RBFOX1: variants seen among roughly 807,000 people sequenced by gnomAD.
RBFOX1 encodes RNA binding fox-1 homolog 1.
A neutral mutation model predicts 57.7 loss-of-function variants in RBFOX1; 8 were observed. The ratio of observed to expected loss-of-function variants is 0.14; its 90% CI spans 0.08 to 0.25. The LOEUF (loss-of-function observed/expected upper bound fraction) is 0.25. Ranked by LOEUF, RBFOX1 falls within the 10% of genes least tolerant of loss-of-function variation. RBFOX1 has a pLI of 1.00. For synonymous variants in RBFOX1, 326 were observed against 222.4 expected (o/e 1.47, Z -4.15); for missense variants, 611 against 548.5 (o/e 1.11, Z -1.14).
intron 1 of RBFOX1, among the ~76,000 whole-genome samples, chr16:5,423,864 G>C (rs1299223244): frequency 2.0e-5 from 3 of 152,138 alleles, no homozygotes; most frequent in Non-Finnish European, 4.4e-5. Flanking sequence ...GCTCATTGAG[G>C]CCAGGCATTG....
chr16:7,415,375 A>G (rs978721433), intron 4 of RBFOX1, among the ~76,000 whole-genome samples: 3 of 152,224 alleles, frequency 2.0e-5, no homozygotes, highest in African/African-American at 7.2e-5. Flanking sequence ...TCTAGAGGGT[A>G]GCTCTGAGCC....
intron 4 of RBFOX1, among the ~76,000 whole-genome samples, chr16:7,142,069 G>T (rs1200896504): frequency 2.0e-5 from 3 of 151,814 alleles, no homozygotes; most frequent in Non-Finnish European, 4.4e-5. Context: ...TGTTGCCCAG[G>T]CTGGAGTGCA....
chr16:5,782,593 G>A (rs568644299), intron 3 of RBFOX1, among the ~76,000 whole-genome samples: 2 of 152,290 alleles, frequency 1.3e-5, no homozygotes, highest in South Asian at 4.1e-4. Context: ...TATATTGATT[G>A]CTTACTATGT....
intron 3 of RBFOX1, among the ~76,000 whole-genome samples, chr16:7,040,242 A>G (rs1227713678): frequency 6.6e-6 from 1 of 151,602 alleles, no homozygotes; most frequent in East Asian, 1.9e-4. Flanking sequence ...GATGGTCTCG[A>G]TCTCTTGACC....
chr16:7,176,516 T>C (rs1432364467), intron 4 of RBFOX1, among the ~76,000 whole-genome samples: 1 of 152,132 alleles, frequency 6.6e-6, no homozygotes, highest in East Asian at 1.9e-4. Context: ...TCTCCTCTTG[T>C]TTTTGTAAAT....
intron 4 of RBFOX1, among the ~76,000 whole-genome samples, chr16:7,180,015 A>G (rs1337839630): frequency 6.6e-6 from 1 of 152,020 alleles, no homozygotes; most frequent in Non-Finnish European, 1.5e-5. Context: ...AGTGCTGGAA[A>G]TATAGGCTTG....
At chr16:6,569,069 G>A (rs73537302) in intron 2 of RBFOX1, among the ~76,000 whole-genome samples, 2,332 of 152,272 alleles carry the variant, frequency 0.015, 58 homozygotes, top group African/African-American at 0.054. Flanking sequence ...TGGATAATAT[G>A]CTACTTAAGA....
intron 1 of RBFOX1, among the ~76,000 whole-genome samples, chr16:5,448,170 C>T (rs975330967): frequency 3.3e-5 from 5 of 152,170 alleles, no homozygotes; most frequent in African/African-American, 1.2e-4. Flanking sequence ...TTTGGAAATT[C>T]TGAGAGCTAA....
chr16:6,468,854 G>T (rs1021705021), intron 2 of RBFOX1, among the ~76,000 whole-genome samples: 1 of 151,486 alleles, frequency 6.6e-6, no homozygotes, highest in Non-Finnish European at 1.5e-5. Flanking sequence ...CTTGTGTCAT[G>T]GGGGTTCATT....
At chr16:6,657,425 C>A (rs62017888) in intron 3 of RBFOX1, among the ~76,000 whole-genome samples, 59,670 of 151,836 alleles carry the variant, frequency 0.39, 12,934 homozygotes, top group South Asian at 0.5. Flanking sequence ...GTGCCCCTCA[C>A]CCCAGCAGAA....
intron 4 of RBFOX1, among the ~76,000 whole-genome samples, chr16:7,435,860 G>A (rs546433377): frequency 6.6e-6 from 1 of 152,202 alleles, no homozygotes; most frequent in South Asian, 2.1e-4. Flanking sequence ...AACTGTAGGA[G>A]TTGGCCTGCT....
chr16:6,083,876 A>G (rs2096047835), intron 1 of RBFOX1, among the ~76,000 whole-genome samples: 1 of 152,178 alleles, frequency 6.6e-6, no homozygotes, highest in Non-Finnish European at 1.5e-5. Context: ...TTTAAGCAGA[A>G]GAATTGGCTG....
chr16:7,579,854 C>G lies in RBFOX1; in HGVS notation c.348C>G (p.Pro116=), dbSNP rs1215317300. ...PSENTENKSQ[P]KRLHVSNIPF... ...AAAACACGGAAAACAAGTCTCAGCC[C>G]AAGCGGCTGCATGTCTCCAATATCC... The change falls in exon 6 of 16, where the codon CCC becomes CCG. Residue 116 remains proline, a synonymous_variant. Transcript: ENST00000550418. The G allele has an allele frequency of 1.2e-6, 2 of 1,613,948 alleles. No individual in the cohort carries two copies. Among genetic ancestry groups the G allele is most frequent in the Admixed American group, 3.3e-5 (2 of 59,992 alleles).
intron 4 of RBFOX1, among the ~76,000 whole-genome samples, chr16:7,300,033 C>A (rs1157841387): frequency 6.6e-6 from 1 of 152,146 alleles, no homozygotes; most frequent in Non-Finnish European, 1.5e-5. Flanking sequence ...GAGGGGCTTT[C>A]TTGAAGCTGA....
At chr16:6,842,059 C>T (rs1020985203) in intron 3 of RBFOX1, among the ~76,000 whole-genome samples, 53 of 151,604 alleles carry the variant, frequency 3.5e-4, no homozygotes, top group African/African-American at 1.1e-3. Flanking sequence ...AGGAGAATGG[C>T]GTGAACCCGG....
chr16:6,641,014 A>G (rs576691493), intron 2 of RBFOX1, among the ~76,000 whole-genome samples: 1 of 152,212 alleles, frequency 6.6e-6, no homozygotes, highest in African/African-American at 2.4e-5. Context: ...GTAAGTTGCT[A>G]TCTGACTTGA....
intron 3 of RBFOX1, among the ~76,000 whole-genome samples, chr16:5,644,828 G>A (rs2048994843): frequency 6.6e-6 from 1 of 152,166 alleles, no homozygotes; most frequent in African/African-American, 2.4e-5. Flanking sequence ...TTTGCCAATT[G>A]TGAATAATGC....
chr16:7,092,157 A>G (rs1567224176), intron 4 of RBFOX1, among the ~76,000 whole-genome samples: 1 of 152,210 alleles, frequency 6.6e-6, no homozygotes, highest in Non-Finnish European at 1.5e-5. Flanking sequence ...TTCTTTTCTC[A>G]ATTTGAATAT....
intron 1 of RBFOX1, among the ~76,000 whole-genome samples, chr16:6,195,403 C>A (rs921944150): frequency 1.8e-4 from 27 of 152,230 alleles, no homozygotes; most frequent in African/African-American, 6.0e-4. Flanking sequence ...AAATTTATGG[C>A]CTTTAGTAGA....
Sources: gnomAD v4.1 joint callset for allele counts (sites outside exome capture counted in the v4.1 genomes callset) on GRCh38, gnomAD v4.1.1 for gene constraint, MANE v1.5 for transcripts, NCBI Gene and HGNC (gene_info 2026-07-23, HGNC 2026-07-21) for gene names.